PTPRT: variants seen among roughly 807,000 people sequenced by gnomAD.
The protein encoded by PTPRT is protein tyrosine phosphatase receptor type T, also known as receptor-type tyrosine-protein phosphatase T.
Under a neutral mutation model 176.8 loss-of-function variants are expected in PTPRT, and 56 were observed. The observed-to-expected ratio is 0.32, with a 90% CI of 0.26 to 0.40. PTPRT has a LOEUF of 0.40. Among genes scored for constraint, PTPRT ranks in the 10% least tolerant of loss-of-function variants. The probability of loss-of-function intolerance (pLI) is 1.00; values close to 1 mark genes in which losing one functional copy is unlikely to be tolerated. For missense variants in PTPRT, 1,540 were observed against 1,908.2 expected (o/e 0.81, Z 3.60); for synonymous variants, 783 against 739.0 (o/e 1.06, Z -0.96).
intron 15 of PTPRT, among the ~76,000 whole-genome samples, chr20:42,207,135 C>G (rs1237202305): frequency 3.3e-5 from 5 of 151,920 alleles, no homozygotes; most frequent in Admixed American, 3.3e-4. Flanking sequence ...ACCGAAAACC[C>G]ATCTGTACAT....
chr20:42,046,982 C>G, the PTPRT span, among the ~76,000 whole-genome samples: 1 of 152,230 alleles, frequency 6.6e-6, no homozygotes, highest in African/African-American at 2.4e-5. Context: ...GATACTTTCA[C>G]TGTGTTACAT....
At chr20:42,534,956 T>C (rs1180699492) in intron 7 of PTPRT, among the ~76,000 whole-genome samples, 1 of 152,170 alleles carries the variant, frequency 6.6e-6, no homozygotes, top group East Asian at 1.9e-4. Context: ...AATGTATGAA[T>C]TCTAACCCAC....
intron 7 of PTPRT, among the ~76,000 whole-genome samples, chr20:42,622,361 C>T (rs2074214921): frequency 6.6e-6 from 1 of 152,036 alleles, no homozygotes; most frequent in Non-Finnish European, 1.5e-5. Flanking sequence ...CCTGCCTCAG[C>T]CTCCCGAGTA....
At chr20:42,694,751 T>C (rs1375560723) in intron 6 of PTPRT, among the ~76,000 whole-genome samples, 1 of 152,048 alleles carries the variant, frequency 6.6e-6, no homozygotes, top group African/African-American at 2.4e-5. Flanking sequence ...GTGGTTTTAA[T>C]TTATACTACC....
intron 7 of PTPRT, among the ~76,000 whole-genome samples, chr20:42,518,820 G>T (rs1186082502): frequency 6.6e-6 from 1 of 151,744 alleles, no homozygotes; most frequent in African/African-American, 2.4e-5. Flanking sequence ...ATAATTTTCA[G>T]CCTTTTAAAA....
At chr20:42,887,995 A>T (rs1234564275) in intron 1 of PTPRT, among the ~76,000 whole-genome samples, 1 of 152,194 alleles carries the variant, frequency 6.6e-6, no homozygotes, top group Non-Finnish European at 1.5e-5. Flanking sequence ...GGTGCCATCT[A>T]TAAGGAAGGG....
intron 2 of PTPRT, among the ~76,000 whole-genome samples, chr20:42,823,787 G>A (rs2077943755): frequency 6.6e-6 from 1 of 151,576 alleles, no homozygotes; most frequent in African/African-American, 2.4e-5. Flanking sequence ...GAAGAAGTTA[G>A]AAAGAAAGAA....
chr20:42,474,393 G>C (rs1331445393), intron 7 of PTPRT, among the ~76,000 whole-genome samples: 1 of 152,228 alleles, frequency 6.6e-6, no homozygotes, highest in Non-Finnish European at 1.5e-5. Flanking sequence ...TCACAGGAAT[G>C]TCAGGGAACC....
At chr20:42,054,791 A>G in the PTPRT span, among the ~76,000 whole-genome samples, 3 of 152,162 alleles carry the variant, frequency 2.0e-5, no homozygotes, top group African/African-American at 7.2e-5. Context: ...TGATATGCCG[A>G]ATAGGTGCCC....
intron 6 of PTPRT, among the ~76,000 whole-genome samples, chr20:42,754,739 T>C (rs2076806927): frequency 6.6e-6 from 1 of 152,248 alleles, no homozygotes; most frequent in Non-Finnish European, 1.5e-5. Flanking sequence ...ATCTTTGGCT[T>C]AAGTGTTCAT....
chr20:42,151,126 ATTT>A (rs11468504), intron 17 of PTPRT, among the ~76,000 whole-genome samples: 19,990 of 143,890 alleles, frequency 0.14, 3,393 homozygotes, highest in African/African-American at 0.41. Context: ...AACATCAAGG[ATTT>A]TTTTTTTTTT....
At chr20:42,292,065 C>T (rs2057325005) in intron 12 of PTPRT, among the ~76,000 whole-genome samples, 1 of 152,044 alleles carries the variant, frequency 6.6e-6, no homozygotes, top group Non-Finnish European at 1.5e-5. Flanking sequence ...CTTTCCCTAC[C>T]TTTGGAAAGC....
intron 2 of PTPRT, among the ~76,000 whole-genome samples, chr20:42,796,476 G>A (rs888696945): frequency 1.3e-5 from 2 of 152,152 alleles, no homozygotes; most frequent in Non-Finnish European, 2.9e-5. Flanking sequence ...CTCCAGTAGG[G>A]AACAAGTAAC....
chr20:43,089,639 G>A (rs1263897601), intron 1 of PTPRT, among the ~76,000 whole-genome samples: 2 of 152,154 alleles, frequency 1.3e-5, no homozygotes, highest in Non-Finnish European at 2.9e-5. Context: ...AGAGGGAGGT[G>A]GAATGGTGAG....
chr20:42,677,731 G>A lies in PTPRT; in HGVS notation c.1153+135C>T, dbSNP rs2075531363. 2.8e-6 allele frequency: 3 copies of A among 1,059,648 alleles called. No individual in the cohort carries two copies. In the East Asian group the frequency reaches 7.3e-5, roughly 26 times the overall value. 65.6% of individuals were successfully genotyped at this position (1,059,648 alleles called of 1,614,324 possible). Reference sequence around the variant, plus strand: ...AAAAAAACCCCAAGGCCTTGATCCTGTTTATCCACAATAGGAAGCACATTC... The same window carrying A: ...AAAAAAACCCCAAGGCCTTGATCCTATTTATCCACAATAGGAAGCACATTC... On this transcript the variant is annotated intron_variant, in intron 7 of 30. Coordinates refer to ENST00000373187, the MANE Select transcript of PTPRT (RefSeq NM_007050.6).
At chr20:42,325,432 T>G (rs1243944817) in intron 11 of PTPRT, among the ~76,000 whole-genome samples, 2 of 152,196 alleles carry the variant, frequency 1.3e-5, no homozygotes, top group Non-Finnish European at 2.9e-5. Context: ...AAAGGAATCA[T>G]GAAAATCCAG....
At position 43,088,333 on chromosome 20, in the gene PTPRT, GGTGTGTGTGTGTGTGTGTGTGTGT is replaced by G. The variant is rs67837016; in HGVS notation, c.88+101289_88+101312del. ...TGTGTTAGGTTTTGTTTTGCTTTGG[GGTGTGTGTGTGTGTGTGTGTGTGT>G]GTGTGTGTGTGTGTGTGTGTGTTGA... On this transcript the variant is annotated intron_variant, in intron 1 of 30. Coordinates refer to ENST00000373187, the MANE Select transcript of PTPRT (RefSeq NM_007050.6). Among the ~76,000 whole-genome samples the G allele has an allele frequency of 4.4e-3, 631 of 142,846 alleles. 2 individuals carry two copies. Among genetic ancestry groups the G allele is most frequent in the African/African-American group, 0.015 (573 of 38,530 alleles). The allele number at this position is 142,846 out of a possible 152,430, so 93.7% of individuals were successfully genotyped here.
chr20:42,273,785 C>T (rs1313612236), intron 13 of PTPRT, among the ~76,000 whole-genome samples: 1 of 152,220 alleles, frequency 6.6e-6, no homozygotes, highest in East Asian at 1.9e-4. Flanking sequence ...TTAATTTCTC[C>T]ACTTATAAAG....
intron 6 of PTPRT, chr20:42,685,936 T>C (rs2075683400): frequency 6.6e-6 from 1 of 152,122 alleles, no homozygotes; most frequent in Non-Finnish European, 1.5e-5. Flanking sequence ...TCCCCTCCTA[T>C]CTGCCCAGGT....
Sources: allele counts gnomAD v4.1 joint callset (sites outside exome capture counted in the v4.1 genomes callset), GRCh38; gene constraint gnomAD v4.1.1; transcripts MANE v1.5; gene names NCBI Gene and HGNC (gene_info 2026-07-23, HGNC 2026-07-21).